RABGAP1L: variants seen among roughly 807,000 people sequenced by gnomAD.
The protein encoded by RABGAP1L is rab GTPase-activating protein 1-like.
A neutral mutation model predicts 137.7 loss-of-function variants in RABGAP1L; 63 were observed. The ratio of observed to expected loss-of-function variants is 0.46; its 90% CI spans 0.37 to 0.56. The LOEUF is 0.56. RABGAP1L is among the 20% of genes least tolerant of loss of function. The pLI, the probability that RABGAP1L is intolerant of heterozygous loss-of-function variation, is 0.00. For missense variants in RABGAP1L, 1,095 were observed against 1,244.0 expected, an observed-to-expected ratio of 0.88 and a Z score of 1.80; for synonymous variants, 431 against 433.7, an observed-to-expected ratio of 0.99 and a Z score of 0.08.
intron 18 of RABGAP1L, among the ~76,000 whole-genome samples, chr1:174,789,953 A>G (rs1341763261): frequency 1.3e-5 from 2 of 152,134 alleles, no homozygotes; most frequent in African/African-American, 2.4e-5. Context: ...CATGACAGTA[A>G]TCTTGGCACT....
At chr1:174,477,835 G>T (rs908915794) in intron 13 of RABGAP1L, among the ~76,000 whole-genome samples, 1 of 151,974 alleles carries the variant, frequency 6.6e-6, no homozygotes, top group African/African-American at 2.4e-5. Flanking sequence ...TAAGTGCTTT[G>T]AGATCAATTA....
intron 3 of RABGAP1L, 137 bp downstream of exon 3, chr1:174,221,301 T>G: frequency 1.5e-6 from 1 of 678,552 alleles, no homozygotes; most frequent in Non-Finnish European, 2.3e-6. Flanking sequence ...TTCGGTGTTA[T>G]GTTTCTGCCT....
chr1:174,708,182 A>G lies in RABGAP1L; in HGVS notation c.2169+5926A>G, dbSNP rs1025427236. On this transcript the variant is annotated intron_variant, in intron 17 of 25. Coordinates refer to ENST00000681986, the MANE Select transcript of RABGAP1L (RefSeq NM_001366446.1). ...ACAGTACTACATTATTTGATTAAAT[A>G]TCACCAGGTATAATTCTCTCAAAGC... Among the ~76,000 whole-genome samples, 3 of 152,240 alleles carry G rather than the reference A, an allele frequency of 2.0e-5. No homozygotes were observed. The East Asian group carries it at 5.8e-4, about 29-fold the overall frequency.
intron 13 of RABGAP1L, among the ~76,000 whole-genome samples, chr1:174,497,380 A>G (rs1417786163): frequency 1.3e-5 from 2 of 152,222 alleles, no homozygotes; most frequent in Non-Finnish European, 2.9e-5. Flanking sequence ...ACTGCAAGTT[A>G]AGGAACTTCC....
At chr1:174,230,585 G>C (rs943619062) in intron 3 of RABGAP1L, among the ~76,000 whole-genome samples, 1 of 152,096 alleles carries the variant, frequency 6.6e-6, no homozygotes, top group Non-Finnish European at 1.5e-5. Flanking sequence ...TGATTTAGGG[G>C]CTCACACGGA....
intron 19 of RABGAP1L, among the ~76,000 whole-genome samples, chr1:174,812,206 T>C (rs1390472753): frequency 3.3e-5 from 5 of 152,150 alleles, no homozygotes; most frequent in Admixed American, 1.3e-4. Flanking sequence ...ATCTCATAGG[T>C]GGGGCTCTAG....
chr1:174,415,179 A>G (rs932814503), intron 13 of RABGAP1L, among the ~76,000 whole-genome samples: 2 of 152,128 alleles, frequency 1.3e-5, no homozygotes, highest in African/African-American at 4.8e-5. Flanking sequence ...TTAATTCAAT[A>G]TGTTGCAATG....
intron 12 of RABGAP1L, among the ~76,000 whole-genome samples, chr1:174,386,394 T>C (rs1050042701): frequency 2.0e-5 from 3 of 152,156 alleles, no homozygotes; most frequent in Non-Finnish European, 2.9e-5. Flanking sequence ...AGCCAATAAG[T>C]AATTTGCCCA....
intron 19 of RABGAP1L, among the ~76,000 whole-genome samples, chr1:174,914,778 T>A (rs1660584538): frequency 6.6e-6 from 1 of 152,274 alleles, no homozygotes; most frequent in East Asian, 1.9e-4. Context: ...TTTCAGAGTA[T>A]TTTGAACACC....
At chr1:174,169,548 A>G (rs949420947) in intron 1 of RABGAP1L, among the ~76,000 whole-genome samples, 4 of 152,170 alleles carry the variant, frequency 2.6e-5, no homozygotes, top group Non-Finnish European at 5.9e-5. Flanking sequence ...AAGATAATCT[A>G]GTAATAGTAG....
At chr1:174,398,110 A>G (rs1210916876) in intron 13 of RABGAP1L, among the ~76,000 whole-genome samples, 3 of 152,172 alleles carry the variant, frequency 2.0e-5, no homozygotes, top group Non-Finnish European at 4.4e-5. Context: ...TATTATCCTC[A>G]AGGGCTCATT....
At chr1:174,370,725 C>A (rs1002003392) in intron 11 of RABGAP1L, among the ~76,000 whole-genome samples, 1 of 121,768 alleles carries the variant, frequency 8.2e-6, no homozygotes, top group Admixed American at 7.5e-5. Context: ...TCTTTGGATA[C>A]AGCTATTTAT....
At chr1:174,840,648 CA>C (rs1366228611) in intron 19 of RABGAP1L, among the ~76,000 whole-genome samples, 3 of 133,126 alleles carry the variant, frequency 2.3e-5, no homozygotes, top group Admixed American at 7.7e-5. Flanking sequence ...AAAAAAAAAA[CA>C]AAAAAAAAGA....
chr1:174,245,656 GA>G (rs1208463358), intron 5 of RABGAP1L: 1 of 120,310 alleles, frequency 8.3e-6, no homozygotes, highest in African/African-American at 3.4e-5. Context: ...TTTTTTTTTT[GA>G]GGCAGAGTCT....
rs564656362 is a variant in RABGAP1L, at chr1:174,286,680, C to T, written c.1323+7901C>T. Reference sequence around the variant, plus strand: ...GTCTTTTTTTTCCCCATAATTTAGACATTTATCAATATAAACTTTCCCACT... The same window carrying T: ...GTCTTTTTTTTCCCCATAATTTAGATATTTATCAATATAAACTTTCCCACT... On this transcript the variant is annotated intron_variant, in intron 10 of 25. Coordinates refer to ENST00000681986, the MANE Select transcript of RABGAP1L (RefSeq NM_001366446.1). 3.9e-5 allele frequency among the ~76,000 whole-genome samples: 6 copies of T among 152,020 alleles called. No individual in the cohort carries two copies. In the South Asian group the frequency reaches 1.0e-3, roughly 26 times the overall value.
intron 19 of RABGAP1L, among the ~76,000 whole-genome samples, chr1:174,814,988 CTATTG>C (rs3085673): frequency 2.7e-4 from 41 of 151,892 alleles, no homozygotes; most frequent in Admixed American, 2.7e-3. Context: ...ATTGCCCAAC[CTATTG>C]TATTGTATTG....
At chr1:174,866,110 GGA>G (rs34712612) in intron 19 of RABGAP1L, among the ~76,000 whole-genome samples, 7,182 of 65,518 alleles carry the variant, frequency 0.11, 355 homozygotes, top group Middle Eastern at 0.21. Context: ...GGAGGGAGGG[GGA>G]GAGAGAGAGA....
intron 7 of RABGAP1L, among the ~76,000 whole-genome samples, chr1:174,259,613 A>G (rs1243312734): frequency 2.6e-5 from 4 of 152,188 alleles, no homozygotes; most frequent in African/African-American, 7.2e-5. Context: ...ATAAAATCCT[A>G]TGTATTTTAA....
At chr1:174,606,085 G>C (rs2148189810) in intron 13 of RABGAP1L, among the ~76,000 whole-genome samples, 1 of 152,232 alleles carries the variant, frequency 6.6e-6, no homozygotes, top group Non-Finnish European at 1.5e-5. Context: ...TAACAAGTTA[G>C]GGAGAATTTA....
Sources: allele counts gnomAD v4.1 joint callset (sites outside exome capture counted in the v4.1 genomes callset), GRCh38; gene constraint gnomAD v4.1.1; transcripts MANE v1.5; gene names NCBI Gene and HGNC (gene_info 2026-07-23, HGNC 2026-07-21).